VPS54: variants seen among roughly 807,000 people sequenced by gnomAD.
VPS54 encodes the protein vacuolar protein sorting-associated protein 54.
A neutral mutation model predicts 121.5 loss-of-function variants in VPS54; 45 were observed. The ratio of observed to expected loss-of-function variants is 0.37; its 90% CI spans 0.29 to 0.47. The LOEUF is 0.47. VPS54 is among the 20% of genes least tolerant of loss of function. The pLI, the probability that VPS54 is intolerant of heterozygous loss-of-function variation, is 0.99. For synonymous variants in VPS54, 371 were observed against 385.8 expected (o/e 0.96, Z 0.45); for missense variants, 1,090 against 1,131.4 (o/e 0.96, Z 0.52).
intron 18 of VPS54, 96 bp from the exon 19 acceptor site, chr2:63,912,757 C>T: frequency 7.0e-7 from 1 of 1,437,684 alleles, no homozygotes; most frequent in Non-Finnish European, 9.3e-7. Flanking sequence ...AAAAACATCA[C>T]TTATAAAGAA....
chr2:63,958,246 G>T (rs920538776), intron 7 of VPS54, among the ~76,000 whole-genome samples: 7 of 152,084 alleles, frequency 4.6e-5, no homozygotes, highest in African/African-American at 1.7e-4. Flanking sequence ...TAAACAAGGT[G>T]TTCTGGGAGC....
intron 3 of VPS54, among the ~76,000 whole-genome samples, chr2:63,976,597 A>G (rs932728278): frequency 1.4e-4 from 21 of 151,962 alleles, no homozygotes; most frequent in African/African-American, 5.1e-4. Context: ...GAGCAGTATG[A>G]TTGATTCAAT....
At chr2:63,901,520 T>C (rs1421163438) in intron 20 of VPS54, among the ~76,000 whole-genome samples, 1 of 152,120 alleles carries the variant, frequency 6.6e-6, no homozygotes, top group African/African-American at 2.4e-5. Flanking sequence ...AACAGGAGGA[T>C]CAAAGGGAGA....
chr2:63,909,084 A>T (rs538812413), intron 20 of VPS54, among the ~76,000 whole-genome samples: 1 of 152,118 alleles, frequency 6.6e-6, no homozygotes, highest in South Asian at 2.1e-4. Flanking sequence ...ACTTTCCCAG[A>T]TCTCCTTCAC....
intron 1 of VPS54, among the ~76,000 whole-genome samples, chr2:64,000,206 T>C (rs1559050879): frequency 1.3e-5 from 2 of 152,180 alleles, no homozygotes; most frequent in South Asian, 2.1e-4. Flanking sequence ...AGTATGTCAA[T>C]TGCATTTTTC....
intron 20 of VPS54, among the ~76,000 whole-genome samples, chr2:63,912,048 C>G (rs1356667014): frequency 6.6e-6 from 1 of 152,140 alleles, no homozygotes; most frequent in Non-Finnish European, 1.5e-5. Flanking sequence ...AATCATCTCT[C>G]CTACTCCTGC....
At chr2:63,922,233 C>G (rs1673680833) in intron 12 of VPS54, among the ~76,000 whole-genome samples, 1 of 152,032 alleles carries the variant, frequency 6.6e-6, no homozygotes, top group African/African-American at 2.4e-5. Context: ...ACATTTTCCC[C>G]CAGGGGCATA....
At chr2:63,924,692 G>A (rs1359643572) in intron 12 of VPS54, among the ~76,000 whole-genome samples, 1 of 152,126 alleles carries the variant, frequency 6.6e-6, no homozygotes, top group Non-Finnish European at 1.5e-5. Context: ...CGTAACTACA[G>A]TAACTATGAC....
At chr2:63,993,407 G>A (rs1014879344) in intron 1 of VPS54, among the ~76,000 whole-genome samples, 2 of 152,150 alleles carry the variant, frequency 1.3e-5, no homozygotes, top group African/African-American at 4.8e-5. Flanking sequence ...GTTATCTAGA[G>A]TACAGCCGTT....
rs1171837240 is a variant in VPS54 at position 63,962,105 on chromosome 2, T to A, written c.963A>T (p.Thr321=). 4.4e-6 allele frequency: 7 copies of A among 1,599,224 alleles called. No homozygotes were observed. Among genetic ancestry groups the A allele is most frequent in the Non-Finnish European group, 6.0e-6 (7 of 1,167,516 alleles). The change falls in exon 7 of 23, where the codon ACA becomes ACT. Residue 321 remains threonine, a synonymous_variant. Transcript: ENST00000272322. The stretch of plus-strand genomic sequence containing the variant: ...GTTCCTGCTGTAGAACCTCTTGTGT[T>A]GTTGCTATTAAGTCCAATGCTCCAA... The part of the protein sequence containing the change: ...EFVGALDLIA[T]TQEVLQQELQ...
intron 20 of VPS54, among the ~76,000 whole-genome samples, chr2:63,908,243 A>G (rs1239600950): frequency 6.6e-6 from 1 of 152,158 alleles, no homozygotes; most frequent in Non-Finnish European, 1.5e-5. Flanking sequence ...AATAAAACGG[A>G]ACAAACCACT....
intron 1 of VPS54, among the ~76,000 whole-genome samples, chr2:64,012,632 T>G (rs1262732032): frequency 1.3e-5 from 2 of 151,768 alleles, no homozygotes; most frequent in African/African-American, 2.4e-5. Flanking sequence ...CTGCTTCATC[T>G]GGGACCTTTT....
chr2:63,994,776 C>T (rs754569576), intron 1 of VPS54, among the ~76,000 whole-genome samples: 10 of 152,072 alleles, frequency 6.6e-5, no homozygotes, highest in Non-Finnish European at 1.0e-4. Context: ...TTTTGAGGGC[C>T]CATCTAAAAC....
intron 1 of VPS54, among the ~76,000 whole-genome samples, chr2:64,002,545 A>G (rs893754995): frequency 6.6e-6 from 1 of 152,246 alleles, no homozygotes; most frequent in Non-Finnish European, 1.5e-5. Flanking sequence ...TCATTCTGAC[A>G]ATACTATGTT....
intron 12 of VPS54, among the ~76,000 whole-genome samples, chr2:63,926,324 T>C (rs1307566173): frequency 6.6e-6 from 1 of 152,216 alleles, no homozygotes; most frequent in Non-Finnish European, 1.5e-5. Flanking sequence ...ATAGCAGTTT[T>C]AGACTGCACC....
At chr2:63,985,606 A>G (rs994843617) in intron 1 of VPS54, among the ~76,000 whole-genome samples, 12 of 152,258 alleles carry the variant, frequency 7.9e-5, no homozygotes, top group African/African-American at 2.4e-4. Flanking sequence ...ATAATCAATC[A>G]TAAGACTAAG....
intron 20 of VPS54, among the ~76,000 whole-genome samples, chr2:63,905,157 A>T (rs569180416): frequency 7.7e-4 from 118 of 152,276 alleles, no homozygotes; most frequent in Non-Finnish European, 1.1e-3. Flanking sequence ...AGAAAACAGC[A>T]AATTAAATCC....
At chr2:64,013,550 T>TATATATATGATATTG (rs1559059830) in intron 1 of VPS54, among the ~76,000 whole-genome samples, 2 of 148,154 alleles carry the variant, frequency 1.3e-5, no homozygotes, top group African/African-American at 4.9e-5. Context: ...AATGCTGATA[T>TATATATATGATATTG]ATATATATGA....
intron 1 of VPS54, among the ~76,000 whole-genome samples, chr2:64,003,237 C>G (rs576084964): frequency 6.6e-6 from 1 of 152,164 alleles, no homozygotes; most frequent in Admixed American, 6.5e-5. Context: ...GCACTAAACA[C>G]AGGGAACTAC....
Sources: gnomAD v4.1 joint callset for allele counts (sites outside exome capture counted in the v4.1 genomes callset) on GRCh38, gnomAD v4.1.1 for gene constraint, MANE v1.5 for transcripts, NCBI Gene and HGNC (gene_info 2026-07-23, HGNC 2026-07-21) for gene names.